The following NOX4 variants were observed in gnomAD, a reference collection of about 807,000 sequenced individuals.
NOX4 encodes kidney oxidase-1.
A neutral mutation model predicts 87.6 loss-of-function variants in NOX4; 69 were observed. The ratio of observed to expected loss-of-function variants is 0.79; its 90% confidence interval spans 0.65 to 0.96. NOX4 has a LOEUF of 0.96. NOX4 is among the 40% of genes least tolerant of loss of function. The probability of loss-of-function intolerance (pLI) is 0.00; values close to 1 mark genes in which losing one functional copy is unlikely to be tolerated. For missense variants in NOX4, 680 were observed against 681.5 expected (o/e 1.00, Z 0.02); for synonymous variants, 275 against 238.2 (o/e 1.15, Z -1.42).
At chr11:89,398,738 A>G (rs1941647507) in intron 11 of NOX4, among the ~76,000 whole-genome samples, 1 of 151,814 alleles carries the variant, frequency 6.6e-6, no homozygotes, top group Non-Finnish European at 1.5e-5. Flanking sequence ...ACATTTAAAC[A>G]TGTGGTCTCT....
At position 89,491,290 on chromosome 11, in the gene NOX4, G is replaced by C; in HGVS notation, c.-44C>G. ...CTGCGCTCTGTGCCCGCCGGACCGA[G>C]AAGGAGCGGGCGGCGGCCGGGGCAG... On this transcript the variant is annotated 5_prime_UTR_variant, in exon 1 of 18. Coordinates refer to ENST00000263317, the MANE Select transcript of NOX4 (RefSeq NM_016931.5). The C allele has an allele frequency of 6.3e-7, 1 of 1,581,414 alleles. No homozygotes were observed.
chr11:89,329,583 G>T (rs562984669), intron 17 of NOX4, among the ~76,000 whole-genome samples: 1 of 151,524 alleles, frequency 6.6e-6, no homozygotes, highest in South Asian at 2.1e-4. Flanking sequence ...GTGACAAAAA[G>T]AAAAACATAA....
intron 7 of NOX4, among the ~76,000 whole-genome samples, chr11:89,431,456 C>G (rs1343833933): frequency 1.3e-5 from 2 of 152,146 alleles, no homozygotes; most frequent in Non-Finnish European, 2.9e-5. Flanking sequence ...GTCTACCTAT[C>G]TGACAAAGGG....
chr11:89,425,441 C>T (rs1409903543), intron 7 of NOX4, among the ~76,000 whole-genome samples: 1 of 149,386 alleles, frequency 6.7e-6, no homozygotes, highest in Non-Finnish European at 1.5e-5. Flanking sequence ...AAAATCTACC[C>T]AAAACATTTA....
At chr11:89,516,653 T>A in the NOX4 span, among the ~76,000 whole-genome samples, 1 of 152,052 alleles carries the variant, frequency 6.6e-6, no homozygotes. Context: ...TCCTTGAGGG[T>A]CTTATCTGCA....
intron 17 of NOX4, among the ~76,000 whole-genome samples, chr11:89,333,322 T>C (rs1303572140): frequency 6.6e-6 from 1 of 151,774 alleles, no homozygotes; most frequent in Non-Finnish European, 1.5e-5. Flanking sequence ...GAAGAATTAC[T>C]TGTCATAGAT....
rs5793404 is a variant in NOX4, at chr11:89,441,947, CTATATA to C, written c.448-1238_448-1233del. Among the ~76,000 whole-genome samples, 128 of 137,986 alleles carry C rather than the reference CTATATA, an allele frequency of 9.3e-4. 2 individuals carry two copies. In the South Asian group the frequency reaches 0.011, roughly 12 times the overall value. 90.5% of individuals were successfully genotyped at this position (137,986 alleles called of 152,430 possible). On this transcript the variant is annotated intron_variant, in intron 5 of 17. Coordinates refer to ENST00000263317, the MANE Select transcript of NOX4 (RefSeq NM_016931.5). The stretch of plus-strand genomic sequence containing the variant: ...CTTCACAAAATAACATATGTGTTGA[CTATATA>C]TATATATATATATATATAATCAATA...
chr11:89,444,494 TACAC>T (rs1032834626), intron 4 of NOX4, among the ~76,000 whole-genome samples: 1 of 112,592 alleles, frequency 8.9e-6, no homozygotes, highest in Non-Finnish European at 1.8e-5. Flanking sequence ...CACACACACA[TACAC>T]ACACACATCC....
At chr11:89,362,177 C>T (rs1229475362) in intron 12 of NOX4, among the ~76,000 whole-genome samples, 1 of 150,622 alleles carries the variant, frequency 6.6e-6, no homozygotes, top group African/African-American at 2.5e-5. Flanking sequence ...GACACAGACA[C>T]ACACACACAC....
At chr11:89,556,520 C>T in the NOX4 span, among the ~76,000 whole-genome samples, 1 of 128,626 alleles carries the variant, frequency 7.8e-6, no homozygotes, top group Non-Finnish European at 1.6e-5. Flanking sequence ...GAAACTCCAT[C>T]AAGGGGAAGG....
chr11:89,528,138 C>T, the NOX4 span, among the ~76,000 whole-genome samples: 42 of 152,302 alleles, frequency 2.8e-4, no homozygotes, highest in Middle Eastern at 3.4e-3. Flanking sequence ...CACTGGATTT[C>T]GGACTTCCAT....
rs1236563267 is a variant in NOX4 at position 89,326,607 on chromosome 11, C to T, written c.*149G>A. The T allele has an allele frequency of 2.4e-5, 14 of 586,838 alleles. No individual in the cohort carries two copies. The highest frequency in any genetic ancestry group is 2.2e-4 in the East Asian group (7 of 32,486). 36.4% of individuals were successfully genotyped at this position (586,838 alleles called of 1,614,324 possible). On this transcript the variant is annotated 3_prime_UTR_variant, in exon 18 of 18. Coordinates refer to ENST00000263317, the MANE Select transcript of NOX4 (RefSeq NM_016931.5). ...ACATGTAATGTGACGGTCATCTTGCCACATTCTCACATTTCCATTTTAAAT... is the reference window on the plus strand; with the variant it reads ...ACATGTAATGTGACGGTCATCTTGCTACATTCTCACATTTCCATTTTAAAT...
chr11:89,468,716 T>C (rs532516545), intron 2 of NOX4, among the ~76,000 whole-genome samples: 1 of 152,282 alleles, frequency 6.6e-6, no homozygotes, highest in South Asian at 2.1e-4. Context: ...TTCCCTCTCA[T>C]CTTTGCCTCA....
the NOX4 span, among the ~76,000 whole-genome samples, chr11:89,533,067 TACAG>T: frequency 6.6e-6 from 1 of 152,146 alleles, no homozygotes; most frequent in Non-Finnish European, 1.5e-5. Context: ...AATGAACTAA[TACAG>T]ACAATTTTAA....
intron 2 of NOX4, among the ~76,000 whole-genome samples, chr11:89,453,969 C>T (rs1484539462): frequency 2.6e-5 from 4 of 152,062 alleles, no homozygotes; most frequent in Non-Finnish European, 5.9e-5. Flanking sequence ...ATAAGACTTC[C>T]CTCCTAGTAA....
chr11:89,577,972 A>G, the NOX4 span, among the ~76,000 whole-genome samples: 1,844 of 152,136 alleles, frequency 0.012, 31 homozygotes, highest in African/African-American at 0.042. Flanking sequence ...ACATCTGTCA[A>G]TTTTGTGGAA....
chr11:89,501,035 T>C (rs189841716), upstream of NOX4, among the ~76,000 whole-genome samples: 14 of 152,122 alleles, frequency 9.2e-5, no homozygotes, highest in Admixed American at 8.5e-4. Context: ...ATATGCCAAC[T>C]TGGAAATATA....
intron 12 of NOX4, among the ~76,000 whole-genome samples, chr11:89,365,679 C>T (rs1399335651): frequency 7.8e-6 from 1 of 127,578 alleles, no homozygotes; most frequent in Non-Finnish European, 1.5e-5. Context: ...CTGGCTTCTG[C>T]AGAAACTGAA....
At chr11:89,381,110 C>G (rs1366801245) in intron 11 of NOX4, among the ~76,000 whole-genome samples, 1 of 152,094 alleles carries the variant, frequency 6.6e-6, no homozygotes, top group Non-Finnish European at 1.5e-5. Context: ...CCCAAAGTGA[C>G]TGGTTAAAAG....
Sources: allele counts gnomAD v4.1 joint callset (sites outside exome capture counted in the v4.1 genomes callset), GRCh38; gene constraint gnomAD v4.1.1; transcripts MANE v1.5; gene names NCBI Gene and HGNC (gene_info 2026-07-23, HGNC 2026-07-21).